Variants in LAMTOR5 observed in about 807,000 individuals in gnomAD.
LAMTOR5 encodes late endosomal/lysosomal adaptor, MAPK and MTOR activator 5, also known as ragulator complex protein LAMTOR5.
LAMTOR5 carries 8 observed loss-of-function variants against 12.1 expected under a neutral mutation model. The ratio of observed to expected loss-of-function variants is 0.66; its 90% CI spans 0.39 to 1.19. The LOEUF (loss-of-function observed/expected upper bound fraction) is 1.19. Ranked by LOEUF, LAMTOR5 falls within the 50% of genes most tolerant of loss-of-function variation. The pLI is 0.01. For missense variants in LAMTOR5, 110 were observed against 112.8 expected, an observed-to-expected ratio of 0.97 and a Z score of 0.11; for synonymous variants, 37 against 41.9, an observed-to-expected ratio of 0.88 and a Z score of 0.45.
At chr1:110,402,125 T>G (rs1047489423) in intron 3 of LAMTOR5, among the ~76,000 whole-genome samples, 1 of 152,202 alleles carries the variant, frequency 6.6e-6, no homozygotes, top group Non-Finnish European at 1.5e-5. Flanking sequence ...TACTCACATG[T>G]TTGTGGTAAT....
At chr1:110,406,065 G>T (rs949549498) in intron 2 of LAMTOR5, among the ~76,000 whole-genome samples, 2 of 152,188 alleles carry the variant, frequency 1.3e-5, no homozygotes, top group African/African-American at 2.4e-5. Context: ...AATTTAAAAT[G>T]ATTCAAATAT....
At chr1:110,407,409 G>A (rs910709647) in intron 1 of LAMTOR5, 177 bp downstream of exon 1, 20 of 799,742 alleles carry the variant, frequency 2.5e-5, no homozygotes, top group Non-Finnish European at 3.8e-5. Context: ...TTTTAATTCC[G>A]GGTCACCCGC....
chr1:110,407,919 G>T (rs1663374982), upstream of LAMTOR5: 2 of 1,567,314 alleles, frequency 1.3e-6, no homozygotes, highest in Admixed American at 1.8e-5. Flanking sequence ...TCTGCAGCCG[G>T]GCCTCAGTGC....
intron 1 of LAMTOR5, 99 bp downstream of exon 1, chr1:110,407,487 C>A: frequency 1.4e-6 from 2 of 1,440,010 alleles, no homozygotes; most frequent in Non-Finnish European, 1.9e-6. Flanking sequence ...GCGACGTCCC[C>A]GAGACGCCCT....
chr1:110,401,680 T>C, intron 3 of LAMTOR5, 97 bp from the exon 4 acceptor site: 1 of 1,297,300 alleles, frequency 7.7e-7, no homozygotes, highest in Non-Finnish European at 1.1e-6. Flanking sequence ...ATATTTAAAA[T>C]AATGTAATTG....
At chr1:110,406,908 G>C (rs1188152354) in intron 1 of LAMTOR5, 2 of 491,126 alleles carry the variant, frequency 4.1e-6, no homozygotes, top group Non-Finnish European at 7.3e-6. Context: ...AATGTGCTAA[G>C]TACTGCTGAG....
In LAMTOR5 at chr1:110,403,796, AT is replaced by A. The variant is rs1470553864; in HGVS notation, c.215+122del. 12 of 1,445,654 alleles carry A rather than the reference AT, an allele frequency of 8.3e-6. No individual in the cohort carries two copies. In the South Asian group the frequency reaches 1.6e-4, roughly 19 times the overall value. The allele number at this position is 1,445,654 out of a possible 1,614,324, so 89.6% of individuals were successfully genotyped here. ...CTTGTCTGTTCCTGTGATTCAAAAG[AT>A]TAAGAACTTTTCCCAAAGTAGTCTG... On this transcript the variant is annotated intron_variant, in intron 3 of 3. Coordinates refer to ENST00000602318, the MANE Select transcript of LAMTOR5 (RefSeq NM_001382293.1).
chr1:110,402,335 C>T (rs1427026485), intron 3 of LAMTOR5, among the ~76,000 whole-genome samples: 4 of 152,176 alleles, frequency 2.6e-5, no homozygotes, highest in African/African-American at 9.7e-5. Context: ...ACTGCAACCT[C>T]TGCCTCCCGG....
rs1185276910 is a variant in LAMTOR5 at position 110,407,645 on chromosome 1, A to C, written c.-25T>G. 2.5e-6 allele frequency: 4 copies of C among 1,614,232 alleles called. No homozygotes were observed. The highest frequency in any genetic ancestry group is 3.4e-6 in the Non-Finnish European group (4 of 1,180,032). On this transcript the variant is annotated 5_prime_UTR_variant, in exon 1 of 4. Coordinates refer to ENST00000602318, the MANE Select transcript of LAMTOR5 (RefSeq NM_001382293.1). Reference sequence around the variant, plus strand: ...TCCCACCCACCGACCACTCCGGCTCAGAACCCAGCGGCACGGCACGTCCTT... The same window carrying C: ...TCCCACCCACCGACCACTCCGGCTCCGAACCCAGCGGCACGGCACGTCCTT...
At chr1:110,407,080 GTC>G (rs1251981971) in intron 1 of LAMTOR5, 1 of 697,870 alleles carries the variant, frequency 1.4e-6, no homozygotes, top group East Asian at 2.7e-5. Context: ...GGAGGCAGGT[GTC>G]TCTCTGTACC....
rs1663356492 is a variant in LAMTOR5, at chr1:110,407,435, T to C, written c.35+151A>G. 8 of 978,556 alleles carry C rather than the reference T, an allele frequency of 8.2e-6. No individual in the cohort carries two copies. In the South Asian group the frequency reaches 1.3e-4, roughly 16 times the overall value. 60.6% of individuals were successfully genotyped at this position (978,556 alleles called of 1,614,324 possible). ...GGTCACCCGCCCCGCCCTGCGGCCT[T>C]GGGTAGAGTTTAGCCCCCTCATCCC... On this transcript the variant is annotated intron_variant, in intron 1 of 3. Coordinates refer to ENST00000602318, the MANE Select transcript of LAMTOR5 (RefSeq NM_001382293.1).
At chr1:110,404,139 T>G in intron 2 of LAMTOR5, 103 bp from the exon 3 acceptor site, 1 of 1,506,786 alleles carries the variant, frequency 6.6e-7, no homozygotes, top group Non-Finnish European at 8.9e-7. Context: ...TGTCTTTTTA[T>G]TAATGTCTGT....
Position 110,406,313 on chromosome 1 carries a change from C to T in LAMTOR5, c.97+5G>A. ...CATCAAATAGTTGGTATGAGAGATA[C>T]TTACAACCCAGATTAAGTCCTTGTG... On this transcript the variant is annotated splice_donor_5th_base_variant and intron_variant, in intron 2 of 3. Coordinates refer to ENST00000602318, the MANE Select transcript of LAMTOR5 (RefSeq NM_001382293.1). 2 of 1,592,910 alleles carry T rather than the reference C, an allele frequency of 1.3e-6. No homozygotes were observed. Among genetic ancestry groups the T allele is most frequent in the South Asian group, 1.1e-5 (1 of 88,562 alleles).
At chr1:110,404,596 G>A (rs1274467023) in intron 2 of LAMTOR5, among the ~76,000 whole-genome samples, 1 of 152,174 alleles carries the variant, frequency 6.6e-6, no homozygotes, top group Non-Finnish European at 1.5e-5. Flanking sequence ...TCCTGCATTA[G>A]GAGCAACAAG....
rs1663299671 is a variant in LAMTOR5, at chr1:110,405,002, C to T, written c.98-966G>A. ...AATGGAGGTTGCAGTGAGCCAAGAT[C>T]GTGCCACTGCACTCTAGCCTGGGCG... On this transcript the variant is annotated intron_variant, in intron 2 of 3. Coordinates refer to ENST00000602318, the MANE Select transcript of LAMTOR5 (RefSeq NM_001382293.1). 3.4e-5 allele frequency among the ~76,000 whole-genome samples: 5 copies of T among 148,244 alleles called. 1 individual carries two copies. The highest frequency in any genetic ancestry group is 3.5e-3 in the Middle Eastern group (1 of 288).
intron 1 of LAMTOR5, chr1:110,407,144 A>C: frequency 4.9e-6 from 3 of 615,966 alleles, no homozygotes; most frequent in Non-Finnish European, 5.8e-6. Context: ...TGTTCGAAAA[A>C]TTTAAAGAAT....
At chr1:110,407,797 C>G, upstream of LAMTOR5, 1 of 1,614,142 alleles carries the variant, frequency 6.2e-7, no homozygotes, top group Non-Finnish European at 8.5e-7. Context: ...GCGCTTCCGT[C>G]GCACAGAGCC....
rs142668561 is a variant in LAMTOR5 at position 110,401,577 on chromosome 1, A to G, written c.222T>C (p.Ile74=). 1.2e-6 allele frequency: 2 copies of G among 1,603,820 alleles called. No individual in the cohort carries two copies. The highest frequency in any genetic ancestry group is 1.7e-6 in the Non-Finnish European group (2 of 1,171,394). The change falls in exon 4 of 4, where the codon ATT becomes ATC. Residue 74 remains isoleucine, a synonymous_variant. Transcript: ENST00000602318. ...VVCLESDNGN[I]MIQKHDGITV... ...TGATGCCATCGTGTTTCTGGATCAT[A>G]ATGTTCCTGAAATGCAGGAAGAAAA... is the stretch of plus-strand genomic sequence containing the variant.
chr1:110,405,644 T>C (rs1663312388), intron 2 of LAMTOR5, among the ~76,000 whole-genome samples: 1 of 152,162 alleles, frequency 6.6e-6, no homozygotes, highest in African/African-American at 2.4e-5. Flanking sequence ...CAATTTCTTT[T>C]TCTACCTCAC....
Sources: allele counts gnomAD v4.1 joint callset (sites outside exome capture counted in the v4.1 genomes callset), GRCh38; gene constraint gnomAD v4.1.1; transcripts MANE v1.5; gene names NCBI Gene and HGNC (gene_info 2026-07-23, HGNC 2026-07-21).